The following HVCN1 variants were observed in gnomAD, a reference collection of about 807,000 sequenced individuals.
The protein encoded by HVCN1 is voltage-gated hydrogen channel 1.
A neutral mutation model predicts 29.2 loss-of-function variants in HVCN1; 14 were observed. The ratio of observed to expected loss-of-function variants is 0.48; its 90% CI spans 0.32 to 0.75. HVCN1 has a LOEUF of 0.75. Ranked by LOEUF, HVCN1 falls within the 30% of genes least tolerant of loss-of-function variation. The probability of loss-of-function intolerance (pLI) is 0.04; values close to 1 mark genes in which losing one functional copy is unlikely to be tolerated. For synonymous variants in HVCN1, 131 were observed against 133.2 expected (o/e 0.98, Z 0.11); for missense variants, 263 against 341.8 (o/e 0.77, Z 1.82).
intron 3 of HVCN1, among the ~76,000 whole-genome samples, chr12:110,677,723 G>A (rs2068794604): frequency 6.6e-6 from 1 of 152,196 alleles, no homozygotes; most frequent in South Asian, 2.1e-4. Context: ...TTAAATAAGT[G>A]TAGAAACTTT....
chr12:110,696,830 A>G (rs1217992784), intron 2 of HVCN1, among the ~76,000 whole-genome samples: 1 of 152,116 alleles, frequency 6.6e-6, no homozygotes, highest in Non-Finnish European at 1.5e-5. Context: ...ATCCACTGAT[A>G]TGGTTTGATT....
chr12:110,665,553 T>C (rs2068316768), intron 3 of HVCN1, among the ~76,000 whole-genome samples: 1 of 132,246 alleles, frequency 7.6e-6, no homozygotes, highest in Non-Finnish European at 1.6e-5. Context: ...TGAAACTCCA[T>C]CTCAAAAAAA....
chr12:110,655,367 C>T (rs779679360), intron 4 of HVCN1, 29 bp from the exon 5 acceptor site: 3 of 1,546,470 alleles, frequency 1.9e-6, no homozygotes, highest in Non-Finnish European at 2.7e-6. Context: ...TGCCAGAGAT[C>T]ATGAGACCCC....
chr12:110,649,423 C>T lies in HVCN1; in HGVS notation c.809G>A (p.Gly270Asp), dbSNP rs1259966190. Residue 270 changes from glycine (G) to aspartate (D), a missense_variant, in exon 8 of 8, where the codon GGT (glycine) becomes GAT (aspartate). Transcript: ENST00000242607. The part of the protein sequence containing the change: ...NKLLRQHGLL[G>D]EVN The stretch of plus-strand genomic sequence containing the variant: ...GCTGGTCCGGGTCTAGTTCACTTCA[C>T]CAAGAAGTCCATGCTGTCGCAATAG... The T allele has an allele frequency of 6.2e-7, 1 of 1,608,980 alleles. No homozygotes were observed. Among genetic ancestry groups the T allele is most frequent in the East Asian group, 2.2e-5 (1 of 44,870 alleles).
intron 2 of HVCN1, among the ~76,000 whole-genome samples, chr12:110,695,974 T>C (rs1294345073): frequency 3.4e-5 from 5 of 146,882 alleles, no homozygotes; most frequent in African/African-American, 1.3e-4. Context: ...TTTTTTGAGA[T>C]GGAGTTTCAT....
chr12:110,678,713 A>T (rs375636328), intron 3 of HVCN1, among the ~76,000 whole-genome samples: 1 of 152,004 alleles, frequency 6.6e-6, no homozygotes, highest in Non-Finnish European at 1.5e-5. Context: ...TGGCCTCCCA[A>T]AGTGCTGGGA....
chr12:110,677,332 C>T (rs976136255), intron 3 of HVCN1, among the ~76,000 whole-genome samples: 1 of 152,166 alleles, frequency 6.6e-6, no homozygotes, highest in Non-Finnish European at 1.5e-5. Context: ...CACATTGAGC[C>T]TTTCATACTT....
chr12:110,650,094 C>T, intron 7 of HVCN1, 74 bp downstream of exon 7: 1 of 982,450 alleles, frequency 1.0e-6, no homozygotes, highest in Non-Finnish European at 1.6e-6. Flanking sequence ...CTCCACCTGC[C>T]TTGGCCTCCC....
intron 5 of HVCN1, among the ~76,000 whole-genome samples, chr12:110,653,170 C>A (rs1041281213): frequency 6.6e-6 from 1 of 152,136 alleles, no homozygotes; most frequent in Admixed American, 6.5e-5. Flanking sequence ...ATTAAGAAAG[C>A]CCAGGGAGGC....
At chr12:110,685,184 T>C (rs1004204363) in intron 2 of HVCN1, among the ~76,000 whole-genome samples, 2 of 152,160 alleles carry the variant, frequency 1.3e-5, no homozygotes, top group Admixed American at 1.3e-4. Flanking sequence ...CTTTGATAAG[T>C]GGAGGCAGGA....
chr12:110,670,895 C>T (rs558389309), intron 3 of HVCN1, among the ~76,000 whole-genome samples: 13 of 152,220 alleles, frequency 8.5e-5, no homozygotes, highest in African/African-American at 3.1e-4. Context: ...GGTGTCCTTA[C>T]AAAAAGAGAA....
chr12:110,663,977 G>C (rs539457045), intron 3 of HVCN1, among the ~76,000 whole-genome samples: 6 of 152,212 alleles, frequency 3.9e-5, no homozygotes, highest in African/African-American at 1.4e-4. Context: ...AGATGCAGGG[G>C]TGCGATCATA....
chr12:110,651,545 C>T, intron 5 of HVCN1, 97 bp from the exon 6 acceptor site: 1 of 761,530 alleles, frequency 1.3e-6, no homozygotes. Context: ...AAGAGAATTC[C>T]TCTGGTGGAC....
At chr12:110,651,702 A>G (rs1180027848) in intron 5 of HVCN1, among the ~76,000 whole-genome samples, 1 of 152,246 alleles carries the variant, frequency 6.6e-6, no homozygotes, top group African/African-American at 2.4e-5. Flanking sequence ...CTTACCCTAC[A>G]GCTGAGCTCC....
chr12:110,656,433 G>T (rs1189033872), intron 4 of HVCN1, among the ~76,000 whole-genome samples: 1 of 152,288 alleles, frequency 6.6e-6, no homozygotes, highest in East Asian at 1.9e-4. Flanking sequence ...AGCTGGTGAT[G>T]ATGTTGGCGA....
chr12:110,656,563 A>G (rs933558680), intron 4 of HVCN1, among the ~76,000 whole-genome samples: 1 of 152,114 alleles, frequency 6.6e-6, no homozygotes, highest in Non-Finnish European at 1.5e-5. Context: ...TGGAAATTCC[A>G]GGCCATCACC....
At chr12:110,683,563 T>C in intron 2 of HVCN1, among the ~76,000 whole-genome samples, 1 of 152,152 alleles carries the variant, frequency 6.6e-6, no homozygotes, top group East Asian at 1.9e-4. Flanking sequence ...AATGGATGAA[T>C]GGATCAACAA....
chr12:110,655,220 C>T lies in HVCN1; in HGVS notation c.411+14G>A. On this transcript the variant is annotated intron_variant, in intron 5 of 7. Transcript: ENST00000242607. The stretch of plus-strand genomic sequence containing the variant: ...ACATATCAGTAAGACCCCAGAAGAG[C>T]TGTCAACCCCTACCATGGCAGCATA... 6.3e-7 allele frequency: 1 copy of T among 1,593,788 alleles called. No homozygotes were observed. The highest frequency in any genetic ancestry group is 8.6e-7 in the Non-Finnish European group (1 of 1,161,572).
intron 3 of HVCN1, among the ~76,000 whole-genome samples, chr12:110,678,439 CTTTTTTTTTTTTTTTT>C (rs538999674): frequency 0.014 from 953 of 65,942 alleles, 14 homozygotes; most frequent in Admixed American, 0.019. Flanking sequence ...CATTCTATTT[CTTTTTTTTTTTTTTTT>C]TTTTTTTTTT....
Sources: allele counts gnomAD v4.1 joint callset (sites outside exome capture counted in the v4.1 genomes callset), GRCh38; gene constraint gnomAD v4.1.1; transcripts MANE v1.5; gene names NCBI Gene and HGNC (gene_info 2026-07-23, HGNC 2026-07-21).